SMIM7: variants seen among roughly 807,000 people sequenced by gnomAD.
SMIM7 encodes the protein UPF0608 protein C19orf42.
In SMIM7, 12 loss-of-function variants were observed where a neutral mutation model predicts 13.3. The ratio of observed to expected loss-of-function variants is 0.90; its 90% CI spans 0.58 to 1.46. The LOEUF (loss-of-function observed/expected upper bound fraction) is 1.46. Among genes scored for constraint, SMIM7 ranks in the 40% most tolerant of loss-of-function variants. The pLI, the probability that SMIM7 is intolerant of heterozygous loss-of-function variation, is 0.00. For missense variants in SMIM7, 114 were observed against 94.8 expected, an observed-to-expected ratio of 1.20 and a Z score of -0.84; for synonymous variants, 36 against 35.8, an observed-to-expected ratio of 1.01 and a Z score of -0.02.
At chr19:16,642,253 G>A (rs1339570473), downstream of SMIM7, among the ~76,000 whole-genome samples, 4 of 152,172 alleles carry the variant, frequency 2.6e-5, no homozygotes, top group Admixed American at 2.0e-4. Context: ...TGGCGTATTT[G>A]CAGTTATTAA....
At chr19:16,652,454 G>T in intron 4 of SMIM7, 1 of 777,398 alleles carries the variant, frequency 1.3e-6, no homozygotes, top group Non-Finnish European at 1.6e-6. Context: ...CTCCCACCTT[G>T]GCCTCCCAAA....
chr19:16,636,217 G>C (rs576588037), intron 4 of SMIM7: 1 of 152,140 alleles, frequency 6.6e-6, no homozygotes, highest in Non-Finnish European at 1.5e-5. Flanking sequence ...GGAAGAGGCC[G>C]TGAACCAAGG....
At chr19:16,659,183 T>C in intron 3 of SMIM7, 4 of 617,620 alleles carry the variant, frequency 6.5e-6, no homozygotes, top group South Asian at 1.8e-5. Context: ...CTAAGGGGGC[T>C]GAGGTGGAAG....
At chr19:16,642,286 G>A (rs1351521694), downstream of SMIM7, among the ~76,000 whole-genome samples, 9 of 152,190 alleles carry the variant, frequency 5.9e-5, no homozygotes, top group African/African-American at 1.9e-4. Context: ...GATTGAGCAC[G>A]GTGGCTCATG....
chr19:16,631,994 C>T (rs1030680387), intron 4 of SMIM7, among the ~76,000 whole-genome samples: 4 of 151,848 alleles, frequency 2.6e-5, no homozygotes, highest in East Asian at 1.9e-4. Flanking sequence ...CTCAGCCTCC[C>T]GAGTAGCTGG....
intron 4 of SMIM7, chr19:16,652,717 G>T: frequency 6.9e-7 from 1 of 1,438,950 alleles, no homozygotes. Flanking sequence ...CCACTGGGGT[G>T]GCACGCAGAC....
At chr19:16,643,043 C>T (rs1435908363), downstream of SMIM7, among the ~76,000 whole-genome samples, 3 of 152,040 alleles carry the variant, frequency 2.0e-5, no homozygotes, top group Non-Finnish European at 4.4e-5. Flanking sequence ...ACCTCGTGAT[C>T]CACCCGCCTC....
At chr19:16,636,439 G>C (rs958638799) in intron 4 of SMIM7, 3 of 152,004 alleles carry the variant, frequency 2.0e-5, no homozygotes, top group Non-Finnish European at 4.4e-5. Context: ...GTATGACCTC[G>C]ACTCACTGCA....
chr19:16,638,155 T>C (rs2086373995), intron 4 of SMIM7, among the ~76,000 whole-genome samples: 1 of 151,642 alleles, frequency 6.6e-6, no homozygotes, highest in South Asian at 2.1e-4. Flanking sequence ...TAATCTCAGC[T>C]ACTCAGGAGG....
rs1450139994 is a variant in SMIM7, at chr19:16,659,956, C to G, written c.68+3G>C. 5.6e-6 allele frequency: 9 copies of G among 1,610,692 alleles called. No homozygotes were observed. Among genetic ancestry groups the G allele is most frequent in the Non-Finnish European group, 7.6e-6 (9 of 1,179,110 alleles). Reference sequence around the variant, plus strand: ...AGCCGCAGTCCGGCCGCGACCTACTCACAGCTTAAAGTTCAGCACCGCCCC... The same window carrying G: ...AGCCGCAGTCCGGCCGCGACCTACTGACAGCTTAAAGTTCAGCACCGCCCC... On this transcript the variant is annotated splice_donor_region_variant and intron_variant, in intron 2 of 4. Coordinates refer to ENST00000487416, the MANE Select transcript of SMIM7 (RefSeq NM_024104.4).
intron 4 of SMIM7, among the ~76,000 whole-genome samples, chr19:16,633,626 G>C (rs2086337906): frequency 6.6e-6 from 1 of 152,070 alleles, no homozygotes; most frequent in African/African-American, 2.4e-5. Context: ...CTAACTACTG[G>C]GAGGCTGAGA....
In SMIM7 at chr19:16,659,429, C is replaced by T; in HGVS notation, c.87G>A (p.Gln29=). ...GCTCCCTGGACTCCTCCCCAAAGCC[C>T]TGCGTGTCCTTCTTTTTCCTACAAA... is the stretch of plus-strand genomic sequence containing the variant. ...LNFKLKKKDT[Q]GFGEESREPS... Residue 29 remains glutamine (Q), a synonymous_variant, in exon 3 of 5, where the codon CAG becomes CAA. Coordinates refer to ENST00000487416, the MANE Select transcript of SMIM7 (RefSeq NM_024104.4). The T allele has an allele frequency of 1.9e-6, 3 of 1,613,788 alleles. No homozygotes were observed. The highest frequency in any genetic ancestry group is 2.5e-6 in the Non-Finnish European group (3 of 1,179,934).
chr19:16,656,462 T>C (rs1206849599), intron 3 of SMIM7, among the ~76,000 whole-genome samples: 1 of 152,112 alleles, frequency 6.6e-6, no homozygotes, highest in Non-Finnish European at 1.5e-5. Flanking sequence ...CCGGTGGCTC[T>C]GCCCCAACAA....
intron 4 of SMIM7, among the ~76,000 whole-genome samples, chr19:16,632,164 G>A (rs1178565616): frequency 1.3e-5 from 2 of 151,942 alleles, no homozygotes; most frequent in African/African-American, 2.4e-5. Flanking sequence ...CACCACACCC[G>A]GCCGCTGGCA....
downstream of SMIM7, among the ~76,000 whole-genome samples, chr19:16,644,323 T>C (rs1471297861): frequency 6.6e-6 from 1 of 151,820 alleles, no homozygotes; most frequent in Non-Finnish European, 1.5e-5. Context: ...GGTTTTGTCA[T>C]GTTGGCCAGG....
At chr19:16,653,109 G>T in intron 4 of SMIM7, 1 of 949,286 alleles carries the variant, frequency 1.1e-6, no homozygotes, top group Non-Finnish European at 1.5e-6. Context: ...GAACTGGTGA[G>T]ACGTGACAGG....
At position 16,646,459 on chromosome 19, in the gene SMIM7, C is replaced by G. The variant is rs896077049; in HGVS notation, c.*787G>C. On this transcript the variant is annotated 3_prime_UTR_variant, in exon 5 of 5. Coordinates refer to ENST00000487416, the MANE Select transcript of SMIM7 (RefSeq NM_024104.4). ...TAGATGAAGGCCCCTGGTTTTTCAA[C>G]CTCAAAATCACCTACTCAAAAAGCA... The G allele has an allele frequency of 2.6e-5, 4 of 152,642 alleles. No individual in the cohort carries two copies. Among genetic ancestry groups the G allele is most frequent in the Non-Finnish European group, 5.9e-5 (4 of 68,084 alleles). The allele number at this position is 152,642 out of a possible 1,614,324, so 9.5% of individuals were successfully genotyped here.
intron 3 of SMIM7, among the ~76,000 whole-genome samples, chr19:16,655,645 C>T (rs1008878498): frequency 5.1e-5 from 7 of 136,972 alleles, no homozygotes; most frequent in Non-Finnish European, 7.6e-5. Flanking sequence ...GGTGTCACTG[C>T]ACTCCAGCCT....
chr19:16,658,725 T>C (rs1599378809), intron 3 of SMIM7, among the ~76,000 whole-genome samples: 1 of 152,134 alleles, frequency 6.6e-6, no homozygotes, highest in African/African-American at 2.4e-5. Flanking sequence ...ATGTGTGAGG[T>C]TGTTCATTCA....
Sources: gnomAD v4.1 joint callset for allele counts (sites outside exome capture counted in the v4.1 genomes callset) on GRCh38, gnomAD v4.1.1 for gene constraint, MANE v1.5 for transcripts, NCBI Gene and HGNC (gene_info 2026-07-23, HGNC 2026-07-21) for gene names.